MARCHF5: variants seen among roughly 807,000 people sequenced by gnomAD.
MARCHF5 encodes membrane associated ring-CH-type finger 5.
In MARCHF5, 5 loss-of-function variants were observed where a neutral mutation model predicts 36.5. The observed-to-expected ratio is 0.14, with a 90% CI of 0.07 to 0.29. MARCHF5 has a LOEUF of 0.29. MARCHF5 is among the 10% of genes least tolerant of loss of function. The pLI, the probability that MARCHF5 is intolerant of heterozygous loss-of-function variation, is 1.00. For synonymous variants in MARCHF5, 103 were observed against 109.9 expected (o/e 0.94, Z 0.39); for missense variants, 179 against 336.3 (o/e 0.53, Z 3.66).
rs767555499 is a variant in MARCHF5, at chr10:92,307,944, C to CT, written c.36-3177dup. 6.0e-3 allele frequency among the ~76,000 whole-genome samples: 856 copies of CT among 142,042 alleles called. 9 individuals carry two copies. The highest frequency in any genetic ancestry group is 0.043 in the East Asian group (213 of 4,906). The allele number at this position is 142,042 out of a possible 152,430, so 93.2% of individuals were successfully genotyped here. On this transcript the variant is annotated intron_variant, in intron 1 of 5. Coordinates refer to ENST00000358935, the MANE Select transcript of MARCHF5 (RefSeq NM_017824.5). ...GGAGAGGATTATTTATGCTTCCCCC[C>CT]TTTTTTTTTTTTTTGAGATGGAGTC...
chr10:92,293,622 A>AG (rs1312067049), intron 1 of MARCHF5, among the ~76,000 whole-genome samples: 1 of 151,890 alleles, frequency 6.6e-6, no homozygotes, highest in African/African-American at 2.4e-5. Flanking sequence ...AAAAAAAAAA[A>AG]AAATACAAAA....
At chr10:92,331,436 C>T (rs1247084262) in intron 2 of MARCHF5, among the ~76,000 whole-genome samples, 1 of 152,062 alleles carries the variant, frequency 6.6e-6, no homozygotes, top group Admixed American at 6.6e-5. Flanking sequence ...CCTCCCCCCC[C>T]ATAATCTTTA....
In MARCHF5 at chr10:92,352,700, G is replaced by A. The variant is rs1564956522; in HGVS notation, c.*1493G>A. On this transcript the variant is annotated 3_prime_UTR_variant, in exon 6 of 6. Transcript: ENST00000358935. ...ATGTTAACTTTAGTAATTAAAGACT[G>A]GTTTCTATAGTATGAATGTCTTAAT... The A allele has an allele frequency of 6.6e-6, 1 of 152,406 alleles. No individual in the cohort carries two copies. Among genetic ancestry groups the A allele is most frequent in the Non-Finnish European group, 1.5e-5 (1 of 68,004 alleles). The allele number at this position is 152,406 out of a possible 1,614,324, so 9.4% of individuals were successfully genotyped here.
intron 1 of MARCHF5, among the ~76,000 whole-genome samples, chr10:92,299,418 G>C (rs1842986507): frequency 6.6e-6 from 1 of 151,918 alleles, no homozygotes; most frequent in East Asian, 1.9e-4. Context: ...CCCCTTCATT[G>C]ACCCCTGAAC....
chr10:92,320,992 CA>C (rs1843283194), intron 2 of MARCHF5, among the ~76,000 whole-genome samples: 1 of 151,932 alleles, frequency 6.6e-6, no homozygotes, highest in Non-Finnish European at 1.5e-5. Context: ...TCTTTTATAC[CA>C]TATTTTTACT....
At chr10:92,344,852 G>T (rs1324830596) in intron 3 of MARCHF5, among the ~76,000 whole-genome samples, 1 of 151,622 alleles carries the variant, frequency 6.6e-6, no homozygotes, top group Non-Finnish European at 1.5e-5. Context: ...TTTTTTCTCG[G>T]CACTGTATTG....
intron 1 of MARCHF5, among the ~76,000 whole-genome samples, chr10:92,298,231 AC>A (rs1337782496): frequency 6.6e-6 from 1 of 152,210 alleles, no homozygotes; most frequent in African/African-American, 2.4e-5. Flanking sequence ...AAATATAATG[AC>A]ATTTTCTTCA....
At chr10:92,298,176 CTA>C (rs1554945897) in intron 1 of MARCHF5, among the ~76,000 whole-genome samples, 1 of 151,998 alleles carries the variant, frequency 6.6e-6, no homozygotes, top group African/African-American at 2.4e-5. Flanking sequence ...ATCTCTCTCT[CTA>C]TATATGTATA....
chr10:92,303,339 A>G (rs1167136092), intron 1 of MARCHF5, among the ~76,000 whole-genome samples: 1 of 152,138 alleles, frequency 6.6e-6, no homozygotes, highest in Non-Finnish European at 1.5e-5. Flanking sequence ...GTTCATTTCC[A>G]TCTCTAAGCT....
chr10:92,335,100 C>T (rs1259522259), intron 2 of MARCHF5, among the ~76,000 whole-genome samples: 1 of 152,160 alleles, frequency 6.6e-6, no homozygotes, highest in Non-Finnish European at 1.5e-5. Flanking sequence ...GAAACTTTCT[C>T]AAGCCCCTAT....
At chr10:92,292,205 G>GTTGCCCAT (rs1049222558) in intron 1 of MARCHF5, among the ~76,000 whole-genome samples, 3 of 152,118 alleles carry the variant, frequency 2.0e-5, no homozygotes, top group African/African-American at 7.2e-5. Context: ...CAGGAGTCCA[G>GTTGCCCAT]TTGCCCATTC....
chr10:92,341,138 A>G (rs1843573569), intron 3 of MARCHF5, among the ~76,000 whole-genome samples: 1 of 152,158 alleles, frequency 6.6e-6, no homozygotes, highest in South Asian at 2.1e-4. Flanking sequence ...ACAGTGCTGC[A>G]TAGCTTGCAA....
intron 1 of MARCHF5, among the ~76,000 whole-genome samples, chr10:92,295,836 T>TATACATACGTATATATATAC (rs1842944029): frequency 6.6e-6 from 1 of 152,020 alleles, no homozygotes; most frequent in Admixed American, 6.6e-5. Context: ...AAAGAATACA[T>TATACATACGTATATATATAC]ATACATACGT....
intron 1 of MARCHF5, among the ~76,000 whole-genome samples, chr10:92,299,291 A>C (rs1001665442): frequency 6.6e-6 from 1 of 152,192 alleles, no homozygotes; most frequent in Non-Finnish European, 1.5e-5. Flanking sequence ...ATACTTAAAA[A>C]TCTGCCAGTC....
At chr10:92,291,551 A>G (rs1195318148) in intron 1 of MARCHF5, 22 bp downstream of exon 1, 3 of 1,527,518 alleles carry the variant, frequency 2.0e-6, no homozygotes, top group African/African-American at 1.4e-5. Flanking sequence ...TGTGGGGGGG[A>G]CCGGGAGCCG....
At chr10:92,320,006 C>T (rs1843271429) in intron 2 of MARCHF5, among the ~76,000 whole-genome samples, 1 of 146,974 alleles carries the variant, frequency 6.8e-6, no homozygotes, top group Non-Finnish European at 1.5e-5. Context: ...GAGTCTCACT[C>T]TGTTGCCCAG....
intron 2 of MARCHF5, among the ~76,000 whole-genome samples, chr10:92,315,766 G>A (rs1843202219): frequency 6.6e-6 from 1 of 152,168 alleles, no homozygotes; most frequent in Non-Finnish European, 1.5e-5. Flanking sequence ...CAATATGATA[G>A]TAACAATAAA....
intron 2 of MARCHF5, among the ~76,000 whole-genome samples, chr10:92,335,139 T>C (rs1361336836): frequency 1.3e-5 from 2 of 152,224 alleles, no homozygotes; most frequent in Non-Finnish European, 2.9e-5. Context: ...ACATTTATTA[T>C]AGTTCTTCCT....
chr10:92,321,632 G>A (rs1036809828), intron 2 of MARCHF5, among the ~76,000 whole-genome samples: 20 of 151,974 alleles, frequency 1.3e-4, no homozygotes, highest in Non-Finnish European at 2.2e-4. Flanking sequence ...GTGAAGGATT[G>A]GTGTTTTAAA....
Sources: allele counts gnomAD v4.1 joint callset (sites outside exome capture counted in the v4.1 genomes callset), GRCh38; gene constraint gnomAD v4.1.1; transcripts MANE v1.5; gene names NCBI Gene and HGNC (gene_info 2026-07-23, HGNC 2026-07-21).